CNTN4: variants seen among roughly 807,000 people sequenced by gnomAD.
CNTN4 encodes contactin-4.
A neutral mutation model predicts 122.5 loss-of-function variants in CNTN4; 77 were observed. That is an observed-to-expected ratio of 0.63 (90% CI 0.52 to 0.76). CNTN4 has a LOEUF of 0.76. Among genes scored for constraint, CNTN4 ranks in the 30% least tolerant of loss-of-function variants. CNTN4 has a pLI of 0.00. For synonymous variants in CNTN4, 512 were observed against 447.0 expected (o/e 1.15, Z -1.83); for missense variants, 1,256 against 1,259.1 (o/e 1.00, Z 0.04).
At chr3:2,725,752 G>A (rs901315937) in intron 4 of CNTN4, among the ~76,000 whole-genome samples, 6 of 152,176 alleles carry the variant, frequency 3.9e-5, no homozygotes, top group African/African-American at 1.2e-4. Flanking sequence ...AGTCCACAGA[G>A]AGAAGGCTTT....
At chr3:2,218,495 C>A (rs1330302658) in intron 2 of CNTN4, among the ~76,000 whole-genome samples, 2 of 152,066 alleles carry the variant, frequency 1.3e-5, no homozygotes, top group African/African-American at 2.4e-5. Flanking sequence ...ATAGTCACCA[C>A]ATGCCATCCA....
chr3:2,694,757 C>T (rs1260157308), intron 4 of CNTN4, among the ~76,000 whole-genome samples: 1 of 152,070 alleles, frequency 6.6e-6, no homozygotes, highest in Non-Finnish European at 1.5e-5. Context: ...AGAAATTGAA[C>T]AACATTAAAT....
At chr3:2,743,267 CAAAAAAA>C in intron 5 of CNTN4, among the ~76,000 whole-genome samples, 2 of 148,330 alleles carry the variant, frequency 1.3e-5, no homozygotes, top group East Asian at 3.9e-4. Context: ...TCAGCTGACT[CAAAAAAA>C]AAATGTCTAG....
intron 3 of CNTN4, among the ~76,000 whole-genome samples, chr3:2,543,162 G>C (rs2078100966): frequency 6.6e-6 from 1 of 152,058 alleles, no homozygotes. Flanking sequence ...GCTACCATTA[G>C]TTTGAAAAAT....
At chr3:2,524,517 C>A (rs1488359650) in intron 3 of CNTN4, among the ~76,000 whole-genome samples, 1 of 151,950 alleles carries the variant, frequency 6.6e-6, no homozygotes, top group Non-Finnish European at 1.5e-5. Context: ...AGATTTTAAC[C>A]AATATGTTTA....
intron 2 of CNTN4, among the ~76,000 whole-genome samples, chr3:2,101,520 A>G (rs2031957307): frequency 6.6e-6 from 1 of 152,050 alleles, no homozygotes; most frequent in African/African-American, 2.4e-5. Flanking sequence ...TCTATTTCAT[A>G]TGATAGGCAG....
intron 4 of CNTN4, among the ~76,000 whole-genome samples, chr3:2,645,401 C>T (rs1283502296): frequency 6.6e-6 from 1 of 152,160 alleles, no homozygotes; most frequent in Non-Finnish European, 1.5e-5. Context: ...ACAATTTTTG[C>T]TGGGCTACAG....
intron 2 of CNTN4, among the ~76,000 whole-genome samples, chr3:2,284,031 C>G (rs558733002): frequency 6.6e-6 from 1 of 151,714 alleles, no homozygotes; most frequent in South Asian, 2.1e-4. Flanking sequence ...TGGGCTAAAA[C>G]CAGCTGAAAC....
chr3:2,486,400 T>C lies in CNTN4; in HGVS notation c.-88-85016T>C, dbSNP rs545377005. On this transcript the variant is annotated intron_variant, in intron 3 of 24. Transcript: ENST00000418658. ...GTTTAGCTGAATCAAGAGGAACTTC[T>C]AGAAGGTAGTAAACATCTGACTAGA... Among the ~76,000 whole-genome samples, 15 of 152,334 alleles carry C rather than the reference T, an allele frequency of 9.8e-5. No individual in the cohort carries two copies. The South Asian group carries it at 3.1e-3, about 32-fold the overall frequency.
At chr3:2,901,937 G>A (rs943756908) in intron 11 of CNTN4, among the ~76,000 whole-genome samples, 1 of 152,138 alleles carries the variant, frequency 6.6e-6, no homozygotes, top group Admixed American at 6.5e-5. Context: ...TCAGCCTCCT[G>A]AGGAGTGAAC....
chr3:2,419,012 C>T (rs1418902970), intron 3 of CNTN4, among the ~76,000 whole-genome samples: 1 of 152,096 alleles, frequency 6.6e-6, no homozygotes, highest in Non-Finnish European at 1.5e-5. Context: ...TGGGAAAAGT[C>T]AAATTATTTA....
At chr3:2,322,260 C>T (rs2043299814) in intron 2 of CNTN4, among the ~76,000 whole-genome samples, 1 of 152,102 alleles carries the variant, frequency 6.6e-6, no homozygotes, top group Non-Finnish European at 1.5e-5. Context: ...AGCAGCATTA[C>T]TTAAAATAGC....
intron 2 of CNTN4, among the ~76,000 whole-genome samples, chr3:2,162,181 ATGATTTCAAC>A (rs1345957019): frequency 6.6e-6 from 1 of 152,176 alleles, no homozygotes; most frequent in Non-Finnish European, 1.5e-5. Flanking sequence ...TCAGCGCATT[ATGATTTCAAC>A]TGTGTTTGTA....
At chr3:2,637,405 T>A (rs891640948) in intron 4 of CNTN4, among the ~76,000 whole-genome samples, 1 of 152,156 alleles carries the variant, frequency 6.6e-6, no homozygotes, top group Non-Finnish European at 1.5e-5. Flanking sequence ...CTGGCTTTTT[T>A]AAAACTGCAA....
Position 2,439,721 on chromosome 3 carries a change from G to A in CNTN4, c.-89+100488G>A, listed in dbSNP as rs1246397591. 2.6e-5 allele frequency among the ~76,000 whole-genome samples: 4 copies of A among 152,188 alleles called. No homozygotes were observed. The East Asian group carries it at 7.7e-4, about 29-fold the overall frequency. Reference sequence around the variant, plus strand: ...AGTGGCTTGGATAGCTAAGGGAAAGGAGTGAAAGGAATTATGGAGAAGAGA... The same window carrying A: ...AGTGGCTTGGATAGCTAAGGGAAAGAAGTGAAAGGAATTATGGAGAAGAGA... On this transcript the variant is annotated intron_variant, in intron 3 of 24. Transcript: ENST00000418658.
chr3:2,746,104 C>T (rs1342934176), intron 6 of CNTN4, among the ~76,000 whole-genome samples: 1 of 151,686 alleles, frequency 6.6e-6, no homozygotes, highest in African/African-American at 2.4e-5. Flanking sequence ...CACACACACA[C>T]ACACACATTT....
At chr3:2,334,242 C>T (rs1559462554) in intron 2 of CNTN4, among the ~76,000 whole-genome samples, 1 of 152,180 alleles carries the variant, frequency 6.6e-6, no homozygotes, top group Non-Finnish European at 1.5e-5. Context: ...ATTGCAACCT[C>T]TGCCTCCCAG....
intron 8 of CNTN4, among the ~76,000 whole-genome samples, chr3:2,880,223 G>A (rs1379253245): frequency 2.0e-5 from 3 of 152,100 alleles, no homozygotes; most frequent in Non-Finnish European, 2.9e-5. Context: ...GAGAGAGGCT[G>A]GGAAAAAACC....
intron 3 of CNTN4, among the ~76,000 whole-genome samples, chr3:2,550,786 G>A (rs139152942): frequency 5.2e-4 from 79 of 152,130 alleles, no homozygotes; most frequent in African/African-American, 1.7e-3. Flanking sequence ...AAGGATGAGC[G>A]TATGTCCTTT....
Sources: allele counts gnomAD v4.1 joint callset (sites outside exome capture counted in the v4.1 genomes callset), GRCh38; gene constraint gnomAD v4.1.1; transcripts MANE v1.5; gene names NCBI Gene and HGNC (gene_info 2026-07-23, HGNC 2026-07-21).